BAIAP2L1: variants seen among roughly 807,000 people sequenced by gnomAD.
BAIAP2L1 encodes the protein BAR/IMD domain containing adaptor protein 2 like 1.
In BAIAP2L1, 35 loss-of-function variants were observed where a neutral mutation model predicts 66.3. The ratio of observed to expected loss-of-function variants is 0.53; its 90% CI spans 0.40 to 0.70. The LOEUF (loss-of-function observed/expected upper bound fraction) is 0.70, where lower values mean the gene tolerates loss of function less well. Among genes scored for constraint, BAIAP2L1 ranks in the 30% least tolerant of loss-of-function variants. The probability of loss-of-function intolerance (pLI) is 0.00; values close to 1 mark genes in which losing one functional copy is unlikely to be tolerated. For synonymous variants in BAIAP2L1, 269 were observed against 248.7 expected (o/e 1.08, Z -0.77); for missense variants, 622 against 656.9 (o/e 0.95, Z 0.58).
At chr7:98,364,180 T>C (rs946057339) in intron 1 of BAIAP2L1, among the ~76,000 whole-genome samples, 9 of 152,164 alleles carry the variant, frequency 5.9e-5, no homozygotes, top group Non-Finnish European at 1.2e-4. Flanking sequence ...TAGTCAGTGT[T>C]CATTATGACT....
chr7:98,311,722 A>G (rs1411881474), intron 8 of BAIAP2L1, among the ~76,000 whole-genome samples: 1 of 151,342 alleles, frequency 6.6e-6, no homozygotes, highest in Non-Finnish European at 1.5e-5. Flanking sequence ...CCTGACCAAC[A>G]TGGCAAAACC....
At position 98,293,671 on chromosome 7, in the gene BAIAP2L1, C is replaced by T. The variant is rs761638545; in HGVS notation, c.1461-75G>A. On this transcript the variant is annotated intron_variant, in intron 13 of 13. Transcript: ENST00000005260. The stretch of plus-strand genomic sequence containing the variant: ...CTGGATTTTAACAGTGCTAATAACC[C>T]GTTCTTGCCCTGTGAGACTGGGCGG... 1.1e-4 allele frequency: 155 copies of T among 1,432,482 alleles called. 1 individual carries two copies. Among genetic ancestry groups the T allele is most frequent in the South Asian group, 1.6e-4 (14 of 87,884 alleles). 88.7% of individuals were successfully genotyped at this position (1,432,482 alleles called of 1,614,324 possible). A position where few individuals can be genotyped will look rare whatever the true frequency, so the allele number is the denominator to read the frequency against.
At chr7:98,373,118 T>C (rs1163928280) in intron 1 of BAIAP2L1, among the ~76,000 whole-genome samples, 1 of 152,170 alleles carries the variant, frequency 6.6e-6, no homozygotes, top group Non-Finnish European at 1.5e-5. Context: ...TGGACTAACA[T>C]CACCAATACT....
chr7:98,312,492 T>A (rs1419701318), intron 7 of BAIAP2L1, among the ~76,000 whole-genome samples: 1 of 152,026 alleles, frequency 6.6e-6, no homozygotes, highest in Non-Finnish European at 1.5e-5. Flanking sequence ...GATCCCTCAG[T>A]GTGAATACAG....
At chr7:98,304,110 A>AG in intron 12 of BAIAP2L1, 86 bp downstream of exon 12, 2 of 1,387,314 alleles carry the variant, frequency 1.4e-6, no homozygotes, top group Non-Finnish European at 1.9e-6. Context: ...GACAGAGCAG[A>AG]GCAAGGCGGT....
At chr7:98,380,610 G>A (rs1230636819) in intron 1 of BAIAP2L1, among the ~76,000 whole-genome samples, 1 of 151,392 alleles carries the variant, frequency 6.6e-6, no homozygotes, top group Non-Finnish European at 1.5e-5. Context: ...AATGAGATTC[G>A]GGTGGGGACA....
intron 11 of BAIAP2L1, among the ~76,000 whole-genome samples, chr7:98,304,749 A>G (rs1800572019): frequency 6.6e-6 from 1 of 151,552 alleles, no homozygotes. Context: ...GGGTTTCACC[A>G]TATTGGCCAG....
At chr7:98,307,249 G>A (rs1004629909) in intron 10 of BAIAP2L1, 2 of 301,208 alleles carry the variant, frequency 6.6e-6, no homozygotes, top group Middle Eastern at 3.0e-3. Context: ...GGGATTACAG[G>A]CGCCTGCCAC....
chr7:98,376,147 C>T (rs1802622535), intron 1 of BAIAP2L1, among the ~76,000 whole-genome samples: 1 of 152,178 alleles, frequency 6.6e-6, no homozygotes, highest in Non-Finnish European at 1.5e-5. Context: ...TTAACTTCTA[C>T]ACGGTATCCC....
At chr7:98,329,734 ACT>A (rs1801451278) in intron 3 of BAIAP2L1, among the ~76,000 whole-genome samples, 1 of 151,406 alleles carries the variant, frequency 6.6e-6, no homozygotes, top group Non-Finnish European at 1.5e-5. Context: ...AGACTCAGAA[ACT>A]CTTCCAAAAG....
intron 12 of BAIAP2L1, among the ~76,000 whole-genome samples, chr7:98,297,966 C>T (rs965832137): frequency 3.9e-5 from 6 of 152,268 alleles, no homozygotes; most frequent in Non-Finnish European, 7.3e-5. Context: ...CACAGTGGCT[C>T]ACGCCTGTAA....
intron 1 of BAIAP2L1, chr7:98,400,123 T>C (rs561740283): frequency 2.0e-5 from 3 of 150,948 alleles, no homozygotes; most frequent in South Asian, 4.3e-4. Context: ...TTCCAAGAAG[T>C]TGGGAGGAGG....
chr7:98,292,881 T>G lies in BAIAP2L1; in HGVS notation c.*640A>C. The G allele has an allele frequency of 7.0e-7, 1 of 1,437,188 alleles. No homozygotes were observed. Among genetic ancestry groups the G allele is most frequent in the Non-Finnish European group, 9.1e-7 (1 of 1,097,054 alleles). The allele number at this position is 1,437,188 out of a possible 1,614,324, so 89.0% of individuals were successfully genotyped here. On this transcript the variant is annotated 3_prime_UTR_variant, in exon 14 of 14. Coordinates refer to ENST00000005260, the MANE Select transcript of BAIAP2L1 (RefSeq NM_018842.5). Reference sequence around the variant, plus strand: ...CAAGAAAAGGAGCTCTCGGAGGAGATTTCGTCGAGTGCTACGTGTGGCTGT... The same window carrying G: ...CAAGAAAAGGAGCTCTCGGAGGAGAGTTCGTCGAGTGCTACGTGTGGCTGT...
intron 3 of BAIAP2L1, among the ~76,000 whole-genome samples, chr7:98,320,535 C>T (rs1226472240): frequency 2.0e-5 from 3 of 152,122 alleles, no homozygotes; most frequent in African/African-American, 7.2e-5. Flanking sequence ...AGGGTTTCAT[C>T]GTGTTGGCCA....
At chr7:98,374,046 G>A (rs746515110) in intron 1 of BAIAP2L1, among the ~76,000 whole-genome samples, 4 of 152,058 alleles carry the variant, frequency 2.6e-5, no homozygotes, top group Admixed American at 6.6e-5. Context: ...TTGACCTCCT[G>A]AGATCAAGCA....
intron 12 of BAIAP2L1, among the ~76,000 whole-genome samples, chr7:98,296,835 G>A (rs936133973): frequency 3.3e-5 from 5 of 152,176 alleles, no homozygotes; most frequent in African/African-American, 1.2e-4. Flanking sequence ...TGGCACATAC[G>A]GTGCCTCTTA....
chr7:98,364,986 CAAAAAAAAA>C (rs531177927), intron 1 of BAIAP2L1, among the ~76,000 whole-genome samples: 27 of 30,796 alleles, frequency 8.8e-4, no homozygotes, highest in East Asian at 5.1e-3. Context: ...GGATATGTCT[CAAAAAAAAA>C]AAAAAAAAAA....
At chr7:98,343,001 C>T (rs1801779519) in intron 3 of BAIAP2L1, among the ~76,000 whole-genome samples, 1 of 151,798 alleles carries the variant, frequency 6.6e-6, no homozygotes, top group Non-Finnish European at 1.5e-5. Flanking sequence ...AAGGATTTAA[C>T]TTTATCACAC....
intron 1 of BAIAP2L1, among the ~76,000 whole-genome samples, chr7:98,393,167 G>GTATA (rs149859832): frequency 0.021 from 1,684 of 81,202 alleles, 201 homozygotes; most frequent in African/African-American, 0.072. Context: ...ACACATATAT[G>GTATA]TATATATATA....
Sources: allele counts gnomAD v4.1 joint callset (sites outside exome capture counted in the v4.1 genomes callset), GRCh38; gene constraint gnomAD v4.1.1; transcripts MANE v1.5; gene names NCBI Gene and HGNC (gene_info 2026-07-23, HGNC 2026-07-21).